SVOP: variants seen among roughly 807,000 people sequenced by gnomAD.
SVOP encodes the protein synaptic vesicle 2-related protein.
Under a neutral mutation model 69.1 loss-of-function variants are expected in SVOP, and 17 were observed. The ratio of observed to expected loss-of-function variants is 0.25; its 90% CI spans 0.17 to 0.37. The LOEUF is 0.37. Among genes scored for constraint, SVOP ranks in the 10% least tolerant of loss-of-function variants. The pLI is 1.00. For synonymous variants in SVOP, 238 were observed against 238.6 expected (o/e 1.00, Z 0.02); for missense variants, 435 against 597.5 (o/e 0.73, Z 2.84).
chr12:108,953,153 CT>C (rs1383065841), intron 6 of SVOP, among the ~76,000 whole-genome samples: 5 of 102,210 alleles, frequency 4.9e-5, no homozygotes, highest in African/African-American at 1.3e-4. Flanking sequence ...TTTTTTTTTT[CT>C]TTTTTTTTTT....
At chr12:108,961,237 G>C (rs2040016419) in intron 5 of SVOP, among the ~76,000 whole-genome samples, 190 bp from the exon 6 acceptor site, 2 of 152,094 alleles carry the variant, frequency 1.3e-5, no homozygotes, top group South Asian at 4.1e-4. Context: ...GGGCATTCTT[G>C]GTTGTCCCAA....
At chr12:108,993,874 G>A (rs1004560754) in intron 1 of SVOP, among the ~76,000 whole-genome samples, 3 of 152,150 alleles carry the variant, frequency 2.0e-5, no homozygotes, top group Admixed American at 6.5e-5. Flanking sequence ...GGACATGAAC[G>A]TTTGCGTGCA....
intron 6 of SVOP, among the ~76,000 whole-genome samples, chr12:108,946,364 C>G (rs1056488984): frequency 6.6e-6 from 1 of 151,978 alleles, no homozygotes; most frequent in Admixed American, 6.6e-5. Context: ...CTTCCCAAAG[C>G]GCTAGGATTA....
At chr12:108,981,332 G>C (rs1269734066) in intron 2 of SVOP, among the ~76,000 whole-genome samples, 2 of 152,234 alleles carry the variant, frequency 1.3e-5, no homozygotes, top group Non-Finnish European at 2.9e-5. Flanking sequence ...GCCCAGATCA[G>C]CCTGAGAATA....
At chr12:108,922,177 A>C (rs992041249) in intron 12 of SVOP, among the ~76,000 whole-genome samples, 2 of 152,152 alleles carry the variant, frequency 1.3e-5, no homozygotes, top group African/African-American at 2.4e-5. Flanking sequence ...GAAGATAGGG[A>C]TACTGTTTCC....
chr12:108,986,958 G>C (rs1227620483), intron 1 of SVOP, among the ~76,000 whole-genome samples: 1 of 152,096 alleles, frequency 6.6e-6, no homozygotes. Context: ...GAAGAAAATC[G>C]TGAAACAGGG....
intron 1 of SVOP, among the ~76,000 whole-genome samples, chr12:109,015,909 C>A (rs1354108212): frequency 6.6e-6 from 1 of 152,090 alleles, no homozygotes; most frequent in African/African-American, 2.4e-5. Context: ...ATGGGGGAGG[C>A]TGAAAGAGGA....
At chr12:109,001,394 T>C (rs1037104569) in intron 1 of SVOP, among the ~76,000 whole-genome samples, 8 of 151,316 alleles carry the variant, frequency 5.3e-5, no homozygotes, top group Non-Finnish European at 8.9e-5. Context: ...CAAGGTAATT[T>C]ATAGATTCAA....
At chr12:109,006,772 T>C (rs1345127171) in intron 1 of SVOP, among the ~76,000 whole-genome samples, 1 of 152,072 alleles carries the variant, frequency 6.6e-6, no homozygotes, top group Admixed American at 6.5e-5. Flanking sequence ...TCTGGCCTGA[T>C]TGGTTTGTAT....
chr12:108,913,289 G>C (rs2039696548), intron 15 of SVOP, among the ~76,000 whole-genome samples: 1 of 152,134 alleles, frequency 6.6e-6, no homozygotes, highest in Non-Finnish European at 1.5e-5. Context: ...TCGAACTCCT[G>C]ACCTCAGGTG....
At chr12:108,952,089 TC>T (rs959909416) in intron 6 of SVOP, among the ~76,000 whole-genome samples, 2 of 152,084 alleles carry the variant, frequency 1.3e-5, no homozygotes, top group African/African-American at 4.8e-5. Flanking sequence ...CATGAGCAAG[TC>T]CCATGGAGTC....
chr12:108,930,434 GCTT>G (rs1329047212), intron 11 of SVOP, among the ~76,000 whole-genome samples: 3 of 94,080 alleles, frequency 3.2e-5, no homozygotes, highest in Admixed American at 1.8e-4. Flanking sequence ...ACAGTTGATT[GCTT>G]TTTTTTTTTT....
At chr12:108,990,308 T>C (rs889981757) in intron 1 of SVOP, among the ~76,000 whole-genome samples, 1 of 152,194 alleles carries the variant, frequency 6.6e-6, no homozygotes, top group East Asian at 1.9e-4. Context: ...TAGTATTCCA[T>C]GGTGTTTATG....
chr12:108,950,656 A>G (rs889790431), intron 6 of SVOP, among the ~76,000 whole-genome samples: 1 of 152,190 alleles, frequency 6.6e-6, no homozygotes, highest in African/African-American at 2.4e-5. Flanking sequence ...AAGTGCTGGG[A>G]TTGCAGGCAT....
At chr12:108,916,507 G>A (rs1251340697) in intron 14 of SVOP, among the ~76,000 whole-genome samples, 1 of 152,146 alleles carries the variant, frequency 6.6e-6, no homozygotes, top group African/African-American at 2.4e-5. Flanking sequence ...TGCGTTGTAG[G>A]ATGTTTGGCA....
At chr12:108,931,876 G>A (rs1367725316) in intron 11 of SVOP, among the ~76,000 whole-genome samples, 1 of 151,912 alleles carries the variant, frequency 6.6e-6, no homozygotes, top group Non-Finnish European at 1.5e-5. Context: ...CTGTTATGTG[G>A]CCGTGGTGGA....
At chr12:108,996,903 G>A (rs1179807931) in intron 1 of SVOP, among the ~76,000 whole-genome samples, 2 of 152,186 alleles carry the variant, frequency 1.3e-5, no homozygotes, top group African/African-American at 2.4e-5. Flanking sequence ...CTGCACTCCA[G>A]CCTGGGTGAC....
At chr12:108,936,998 G>C in intron 10 of SVOP, 2 of 432,888 alleles carry the variant, frequency 4.6e-6, no homozygotes, top group Non-Finnish European at 4.3e-6. Context: ...GGAGTTCAAG[G>C]CTGCAGTAAG....
rs550596627 is a variant in SVOP, at chr12:108,915,689, C to G, written c.1440+94G>C. The G allele has an allele frequency of 7.6e-6, 10 of 1,323,462 alleles. No individual in the cohort carries two copies. The East Asian group carries it at 2.5e-4, about 33-fold the overall frequency. 82.0% of individuals were successfully genotyped at this position (1,323,462 alleles called of 1,614,324 possible). A position where few individuals can be genotyped will look rare whatever the true frequency, so the allele number is the denominator to read the frequency against. On this transcript the variant is annotated intron_variant, in intron 15 of 15. Coordinates refer to ENST00000610966, the MANE Select transcript of SVOP (RefSeq NM_018711.5). ...TATGATAAAATGAGCGAATGCAACC[C>G]GAGGGCTCTGGGGACAGTCGGCATG... is the stretch of plus-strand genomic sequence containing the variant.
Sources: allele counts gnomAD v4.1 joint callset (sites outside exome capture counted in the v4.1 genomes callset), GRCh38; gene constraint gnomAD v4.1.1; transcripts MANE v1.5; gene names NCBI Gene and HGNC (gene_info 2026-07-23, HGNC 2026-07-21).